Variants in DACH1 observed in about 807,000 individuals in gnomAD.
DACH1 encodes the protein dachshund family transcription factor 1.
A neutral mutation model predicts 54.2 loss-of-function variants in DACH1; 12 were observed. That is an observed-to-expected ratio of 0.22 (90% CI 0.14 to 0.36). The LOEUF is 0.36. DACH1 is among the 10% of genes least tolerant of loss of function. The pLI is 1.00. For missense variants in DACH1, 805 were observed against 929.8 expected, an observed-to-expected ratio of 0.87 and a Z score of 1.75; for synonymous variants, 386 against 366.2, an observed-to-expected ratio of 1.05 and a Z score of -0.62.
chr13:71,621,662 AT>A (rs1876244079), intron 3 of DACH1, among the ~76,000 whole-genome samples: 1 of 152,066 alleles, frequency 6.6e-6, no homozygotes, highest in Non-Finnish European at 1.5e-5. Flanking sequence ...TAATAATGCC[AT>A]TACCTTTCAT....
intron 6 of DACH1, among the ~76,000 whole-genome samples, chr13:71,490,102 T>C (rs1459247143): frequency 6.6e-6 from 1 of 152,202 alleles, no homozygotes; most frequent in Admixed American, 6.5e-5. Context: ...CTCAGTTTTA[T>C]AAATATTTTC....
At chr13:71,485,613 T>C (rs1286554826) in intron 7 of DACH1, among the ~76,000 whole-genome samples, 1 of 133,970 alleles carries the variant, frequency 7.5e-6, no homozygotes, top group East Asian at 2.4e-4. Flanking sequence ...CTGGAGGGAG[T>C]CTTGTTCTGT....
rs117219622 is a variant in DACH1 at position 71,803,065 on chromosome 13, C to A, written c.848+62857G>T. ...TGGGTAAAATTTCAAAGTGTATGAA[C>A]ATATTAAGGTTAATCTCTTAAGTCC... is the stretch of plus-strand genomic sequence containing the variant. On this transcript the variant is annotated intron_variant, in intron 1 of 10. Transcript: ENST00000613252. Among the ~76,000 whole-genome samples the A allele has an allele frequency of 1.8e-4, 27 of 152,160 alleles. No homozygotes were observed. In the East Asian group the frequency reaches 5.2e-3, roughly 29 times the overall value.
chr13:71,573,818 C>T (rs1885371354), intron 3 of DACH1, among the ~76,000 whole-genome samples: 1 of 152,042 alleles, frequency 6.6e-6, no homozygotes, highest in South Asian at 2.1e-4. Flanking sequence ...GTGGTGGAGT[C>T]TAATACTGTT....
At chr13:71,612,178 A>C (rs926678170) in intron 3 of DACH1, among the ~76,000 whole-genome samples, 8 of 152,232 alleles carry the variant, frequency 5.3e-5, no homozygotes, top group African/African-American at 1.9e-4. Context: ...TGGCCACAGA[A>C]ATCTCAACGC....
At chr13:71,618,728 T>A (rs74096976) in intron 3 of DACH1, among the ~76,000 whole-genome samples, 2,466 of 152,028 alleles carry the variant, frequency 0.016, 50 homozygotes, top group African/African-American at 0.047. Flanking sequence ...TTTAAAAGCC[T>A]ACTCAAGTAT....
intron 1 of DACH1, among the ~76,000 whole-genome samples, chr13:71,748,904 CTTTCTTTCTTTCTTTCTT>C (rs1566476942): frequency 7.1e-3 from 192 of 27,094 alleles, no homozygotes; most frequent in African/African-American, 0.018. Flanking sequence ...CTTTCTCTTT[CTTTCTTTCTTTCTTTCTT>C]TCTTTCTTTC....
At chr13:71,702,573 A>G (rs1030695330) in intron 1 of DACH1, among the ~76,000 whole-genome samples, 1 of 152,180 alleles carries the variant, frequency 6.6e-6, no homozygotes, top group Non-Finnish European at 1.5e-5. Context: ...TTGAACTTGT[A>G]TAATAATAGA....
chr13:71,744,879 G>A (rs1275417693), intron 1 of DACH1, among the ~76,000 whole-genome samples: 1 of 152,024 alleles, frequency 6.6e-6, no homozygotes. Flanking sequence ...GTTTTGTCTT[G>A]GGAGTCAAAC....
rs137939614 is a variant in DACH1, at chr13:71,532,095, C to G, written c.1570+24929G>C. 6.6e-3 allele frequency among the ~76,000 whole-genome samples: 1,001 copies of G among 151,964 alleles called. 14 individuals are homozygous for G. The highest frequency in any genetic ancestry group is 0.022 in the African/African-American group (909 of 41,516). On this transcript the variant is annotated intron_variant, in intron 6 of 10. Coordinates refer to ENST00000613252, the MANE Select transcript of DACH1 (RefSeq NM_080759.6). ...TAATGATATTAGTGAACTACTTTTT[C>G]TAAGGTCTCTGATAACCAAATAATG...
At chr13:71,688,726 G>A (rs1169954568) in intron 1 of DACH1, among the ~76,000 whole-genome samples, 11 of 152,122 alleles carry the variant, frequency 7.2e-5, no homozygotes, top group Admixed American at 7.2e-4. Flanking sequence ...TGGCTCACAA[G>A]CACAAAAGCA....
chr13:71,804,117 G>C (rs1887394811), intron 1 of DACH1, among the ~76,000 whole-genome samples: 1 of 151,980 alleles, frequency 6.6e-6, no homozygotes, highest in South Asian at 2.1e-4. Context: ...CCAGGAGTTA[G>C]AGACCAACCT....
chr13:71,578,981 TA>T (rs1885703075), intron 3 of DACH1, among the ~76,000 whole-genome samples: 1 of 152,130 alleles, frequency 6.6e-6, no homozygotes, highest in Non-Finnish European at 1.5e-5. Context: ...TACCTATAAA[TA>T]TATCATTTAG....
chr13:71,694,799 A>G (rs1271871397), intron 1 of DACH1, among the ~76,000 whole-genome samples: 2 of 152,242 alleles, frequency 1.3e-5, no homozygotes, highest in Admixed American at 1.3e-4. Flanking sequence ...TAGTGCCTTA[A>G]AAGCGTTGTT....
At chr13:71,461,243 G>A (rs1312682577) in intron 10 of DACH1, among the ~76,000 whole-genome samples, 3 of 152,020 alleles carry the variant, frequency 2.0e-5, no homozygotes, top group Non-Finnish European at 4.4e-5. Flanking sequence ...TGGCATAAAT[G>A]TAAAAGAAGA....
intron 3 of DACH1, among the ~76,000 whole-genome samples, chr13:71,622,690 G>A (rs1476371636): frequency 6.6e-6 from 1 of 151,638 alleles, no homozygotes; most frequent in Non-Finnish European, 1.5e-5. Context: ...GGAATGTAAT[G>A]GAGTCTACCA....
intron 3 of DACH1, among the ~76,000 whole-genome samples, chr13:71,622,010 T>C (rs1876282498): frequency 6.6e-6 from 1 of 152,062 alleles, no homozygotes; most frequent in African/African-American, 2.4e-5. Flanking sequence ...TTATCTGGGT[T>C]CATTTAGTGG....
In DACH1 at chr13:71,479,301, C is replaced by A; in HGVS notation, c.1738G>T (p.Ala580Ser). 1 of 1,613,148 alleles carries A rather than the reference C, an allele frequency of 6.2e-7. No individual in the cohort carries two copies. The highest frequency in any genetic ancestry group is 8.5e-7 in the Non-Finnish European group (1 of 1,179,696). ...TCTTGAGCTCTGGCATTATCTATGG[C>A]AACTTTCAACAGCCCCTGTACAAAG... ...LTNIQGLLKVAIDNARAQEKQ... is the reference protein window; with the variant it reads ...LTNIQGLLKVSIDNARAQEKQ... Residue 580 changes from alanine to serine, a missense_variant, in exon 8 of 11, where the codon GCC becomes TCC. Physicochemically the swap from Ala to Ser is moderately conservative, Grantham distance 99. Around this residue, in one of 3 missense-constraint regions of DACH1, gnomAD observed 472 missense variants for 545.3 expected, o/e 0.87. Transcript: ENST00000613252.
intron 1 of DACH1, among the ~76,000 whole-genome samples, chr13:71,807,120 T>C (rs1887534014): frequency 6.6e-6 from 1 of 152,144 alleles, no homozygotes; most frequent in Admixed American, 6.6e-5. Context: ...GTTCCTGCTT[T>C]TGCAGAACAG....
Sources: gnomAD v4.1 joint callset for allele counts (sites outside exome capture counted in the v4.1 genomes callset) on GRCh38, gnomAD v4.1.1 for gene constraint, gnomAD v4.1.1 regional missense constraint, MANE v1.5 for transcripts, NCBI Gene and HGNC (gene_info 2026-07-23, HGNC 2026-07-21) for gene names.